DCTN5: variants seen among roughly 807,000 people sequenced by gnomAD.
DCTN5 encodes dynactin 4.
Under a neutral mutation model 23.5 loss-of-function variants are expected in DCTN5, and 14 were observed. The ratio of observed to expected loss-of-function variants is 0.60; its 90% CI spans 0.39 to 0.93. DCTN5 has a LOEUF of 0.93. Among genes scored for constraint, DCTN5 ranks in the 40% least tolerant of loss-of-function variants. DCTN5 has a pLI of 0.00. For synonymous variants in DCTN5, 67 were observed against 79.6 expected (o/e 0.84, Z 0.84); for missense variants, 156 against 225.9 (o/e 0.69, Z 1.98).
chr16:23,658,455 G>A, intron 2 of DCTN5, 52 bp from the exon 3 acceptor site: 1 of 1,169,830 alleles, frequency 8.5e-7, no homozygotes, highest in Non-Finnish European at 1.3e-6. Flanking sequence ...CTCTTTTTTT[G>A]TTACGTCTTA....
At chr16:23,660,114 A>C (rs1967783849) in intron 3 of DCTN5, among the ~76,000 whole-genome samples, 1 of 152,222 alleles carries the variant, frequency 6.6e-6, no homozygotes, top group African/African-American at 2.4e-5. Flanking sequence ...TTTAAAATTA[A>C]AGAACTGTCA....
intron 4 of DCTN5, among the ~76,000 whole-genome samples, chr16:23,663,673 G>T (rs1256611429): frequency 6.6e-6 from 1 of 151,960 alleles, no homozygotes; most frequent in Non-Finnish European, 1.5e-5. Context: ...CCGAGATCGC[G>T]CCACTGCACT....
At chr16:23,645,132 T>C (rs1967422977) in intron 2 of DCTN5, among the ~76,000 whole-genome samples, 1 of 36,828 alleles carries the variant, frequency 2.7e-5, no homozygotes, top group African/African-American at 1.3e-4. Context: ...TATATATATA[T>C]ATATATTTTT....
At chr16:23,642,140 C>T (rs943432613) in intron 1 of DCTN5, among the ~76,000 whole-genome samples, 5 of 152,020 alleles carry the variant, frequency 3.3e-5, no homozygotes, top group African/African-American at 1.2e-4. Context: ...ACCGTGTTGG[C>T]CAGGCAGGTC....
At chr16:23,644,092 A>G (rs1471824164) in intron 2 of DCTN5, among the ~76,000 whole-genome samples, 1 of 152,010 alleles carries the variant, frequency 6.6e-6, no homozygotes. Flanking sequence ...GAAAAGAAAT[A>G]TAATTCAGTA....
chr16:23,673,095 T>C lies in DCTN5; in HGVS notation c.*5951T>C, dbSNP rs1170350677. 2.1e-5 allele frequency: 3 copies of C among 140,038 alleles called. No individual in the cohort carries two copies. The highest frequency in any genetic ancestry group is 8.3e-5 in the African/African-American group (3 of 36,316). The allele number at this position is 140,038 out of a possible 1,614,324, so 8.7% of individuals were successfully genotyped here. On this transcript the variant is annotated 3_prime_UTR_variant, in exon 6 of 6. Coordinates refer to ENST00000300087, the MANE Select transcript of DCTN5 (RefSeq NM_032486.4). ...GTGAGCTGTAATTGTGCCACTGCAC[T>C]CCAGCCTGGGCGACAGAGCGAGACT...
At chr16:23,664,012 C>T (rs1341181818) in intron 4 of DCTN5, among the ~76,000 whole-genome samples, 1 of 152,164 alleles carries the variant, frequency 6.6e-6, no homozygotes, top group Non-Finnish European at 1.5e-5. Flanking sequence ...TATATCATGC[C>T]TTATGTAGCA....
rs1176215885 is a variant in DCTN5 at position 23,670,389 on chromosome 16, A to T, written c.*3245A>T. 1.3e-5 allele frequency: 2 copies of T among 152,152 alleles called. No individual in the cohort carries two copies. Among genetic ancestry groups the T allele is most frequent in the African/African-American group, 4.8e-5 (2 of 41,430 alleles). 9.4% of individuals were successfully genotyped at this position (152,152 alleles called of 1,614,324 possible). Reference sequence around the variant, plus strand: ...TCACTGATACATCTGGCAGACTTGAAATTAATCAGACAAACATTGTTCATA... The same window carrying T: ...TCACTGATACATCTGGCAGACTTGATATTAATCAGACAAACATTGTTCATA... On this transcript the variant is annotated 3_prime_UTR_variant, in exon 6 of 6. Coordinates refer to ENST00000300087, the MANE Select transcript of DCTN5 (RefSeq NM_032486.4).
chr16:23,666,816 T>G, intron 5 of DCTN5: 2 of 580,668 alleles, frequency 3.4e-6, no homozygotes, highest in Admixed American at 6.7e-5. Context: ...GCATCTCTGC[T>G]TTTGCAGAGG....
Position 23,661,247 on chromosome 16 carries a change from G to A in DCTN5, c.314G>A (p.Gly105Asp). ...TGTGTGGTCAACGCAGCACAGATTGGTTCCTATGTTCATGTTGGGAAGAAC... is the reference window on the plus strand; with the variant it reads ...TGTGTGGTCAACGCAGCACAGATTGATTCCTATGTTCATGTTGGGAAGAAC... The part of the protein sequence containing the change: ...EDCVVNAAQI[G>D]SYVHVGKNCV... Residue 105 changes from glycine (G) to aspartate (D), a missense_variant, in exon 4 of 6, where the codon GGT (glycine) becomes GAT (aspartate). Physicochemically the swap from Gly to Asp is moderately conservative, Grantham distance 94 (BLOSUM62 -1). This residue lies in a region of DCTN5 where 153 missense variants were observed against 206.8 expected (regional missense o/e 0.74). Transcript: ENST00000300087. 1 of 1,612,372 alleles carries A rather than the reference G, an allele frequency of 6.2e-7. No homozygotes were observed. The highest frequency in any genetic ancestry group is 8.5e-7 in the Non-Finnish European group (1 of 1,179,238).
intron 2 of DCTN5, among the ~76,000 whole-genome samples, chr16:23,656,089 C>G (rs1967699065): frequency 6.6e-6 from 1 of 152,060 alleles, no homozygotes; most frequent in African/African-American, 2.4e-5. Context: ...TTAGCCAGGT[C>G]TAGTGGCATG....
chr16:23,650,677 T>G lies in DCTN5; in HGVS notation c.117+7654T>G, dbSNP rs1967584619. 2.2e-6 allele frequency: 3 copies of G among 1,350,888 alleles called. No individual in the cohort carries two copies. In the Admixed American group the frequency reaches 6.1e-5, roughly 27 times the overall value. The allele number at this position is 1,350,888 out of a possible 1,614,324, so 83.7% of individuals were successfully genotyped here. ...GTACAATTCCACTTATCCACCCTCC[T>G]CTTGGTGGAAAGTTACTTTGTTTCT... On this transcript the variant is annotated intron_variant, in intron 2 of 5. Coordinates refer to ENST00000300087, the MANE Select transcript of DCTN5 (RefSeq NM_032486.4).
At chr16:23,661,138 C>T in intron 3 of DCTN5, 32 bp from the exon 4 acceptor site, 1 of 1,505,330 alleles carries the variant, frequency 6.6e-7, no homozygotes. Context: ...TCATCTTGAC[C>T]TTTCTGTGTT....
At chr16:23,652,680 C>T (rs1967627141) in intron 2 of DCTN5, among the ~76,000 whole-genome samples, 1 of 152,152 alleles carries the variant, frequency 6.6e-6, no homozygotes. Flanking sequence ...ACCCTTGCCT[C>T]AGGCAACCAC....
At chr16:23,653,707 T>A (rs1967646171) in intron 2 of DCTN5, among the ~76,000 whole-genome samples, 1 of 152,196 alleles carries the variant, frequency 6.6e-6, no homozygotes, top group Non-Finnish European at 1.5e-5. Flanking sequence ...AAATGAGATC[T>A]GATTAAACTA....
At chr16:23,645,313 C>T (rs1023148557) in intron 2 of DCTN5, among the ~76,000 whole-genome samples, 4 of 150,162 alleles carry the variant, frequency 2.7e-5, no homozygotes, top group South Asian at 2.1e-4. Flanking sequence ...TTAATAGAGG[C>T]GGGGTTTCTC....
chr16:23,645,998 A>G (rs1967450326), intron 2 of DCTN5, among the ~76,000 whole-genome samples: 1 of 152,106 alleles, frequency 6.6e-6, no homozygotes, highest in East Asian at 1.9e-4. Flanking sequence ...ACTTTTTGGG[A>G]AACTGACAAA....
At chr16:23,666,306 G>C (rs1597126470) in intron 5 of DCTN5, among the ~76,000 whole-genome samples, 2 of 152,172 alleles carry the variant, frequency 1.3e-5, no homozygotes, top group African/African-American at 4.8e-5. Context: ...TGAAAAGTTA[G>C]CATAAACCAT....
chr16:23,661,044 T>G, intron 3 of DCTN5, 126 bp from the exon 4 acceptor site: 1 of 509,302 alleles, frequency 2.0e-6, no homozygotes, highest in Non-Finnish European at 3.4e-6. Context: ...GCCTGAGGTT[T>G]CTTTCCTTGC....
Sources: gnomAD v4.1 joint callset for allele counts (sites outside exome capture counted in the v4.1 genomes callset) on GRCh38, gnomAD v4.1.1 for gene constraint, gnomAD v4.1.1 regional missense constraint, MANE v1.5 for transcripts, NCBI Gene and HGNC (gene_info 2026-07-23, HGNC 2026-07-21) for gene names.